Variants in SRGAP1 observed in about 807,000 individuals in gnomAD.
The protein encoded by SRGAP1 is SLIT-ROBO Rho GTPase activating protein 1, also known as SLIT-ROBO Rho GTPase-activating protein 1.
Under a neutral mutation model 121.9 loss-of-function variants are expected in SRGAP1, and 43 were observed. That is an observed-to-expected ratio of 0.35 (90% CI 0.28 to 0.46). SRGAP1 has a LOEUF of 0.46. SRGAP1 is among the 20% of genes least tolerant of loss of function. The pLI is 1.00. For synonymous variants in SRGAP1, 447 were observed against 485.4 expected, an observed-to-expected ratio of 0.92 and a Z score of 1.04; for missense variants, 1,102 against 1,350.9, an observed-to-expected ratio of 0.82 and a Z score of 2.89.
intron 2 of SRGAP1, among the ~76,000 whole-genome samples, chr12:63,989,371 G>A (rs1286922308): frequency 6.6e-6 from 1 of 152,126 alleles, no homozygotes; most frequent in African/African-American, 2.4e-5. Context: ...ATAAAGTTCT[G>A]ATTCCCAGGA....
At chr12:63,920,622 C>A (rs984204742) in intron 1 of SRGAP1, among the ~76,000 whole-genome samples, 36 of 152,102 alleles carry the variant, frequency 2.4e-4, no homozygotes, top group African/African-American at 8.7e-4. Context: ...GAGAATGAGA[C>A]CCTAGAGATG....
At chr12:64,124,630 T>C (rs910680196) in intron 18 of SRGAP1, among the ~76,000 whole-genome samples, 3 of 152,182 alleles carry the variant, frequency 2.0e-5, no homozygotes, top group African/African-American at 4.8e-5. Flanking sequence ...AGGCCTCAAA[T>C]TGAGGAGCTT....
rs1444875007 is a variant in SRGAP1, at chr12:63,863,460, T to TG, written c.67+18581dup. Among the ~76,000 whole-genome samples the TG allele has an allele frequency of 2.6e-5, 4 of 151,928 alleles. No individual in the cohort carries two copies. In the East Asian group the frequency reaches 7.8e-4, roughly 30 times the overall value. ...CCTAATTTTGTGTCTTTAGTAGAGA[T>TG]GGGGTTTCACCATGTTGGCCAGGCT... is the stretch of plus-strand genomic sequence containing the variant. On this transcript the variant is annotated intron_variant, in intron 1 of 21. Coordinates refer to ENST00000355086, the MANE Select transcript of SRGAP1 (RefSeq NM_020762.4).
At position 64,146,681 on chromosome 12, in the gene SRGAP1, G is replaced by A. The variant is rs991051284; in HGVS notation, c.*4009G>A. 2.0e-5 allele frequency: 3 copies of A among 152,090 alleles called. No individual in the cohort carries two copies. Among genetic ancestry groups the A allele is most frequent in the Non-Finnish European group, 4.4e-5 (3 of 68,040 alleles). 9.4% of individuals were successfully genotyped at this position (152,090 alleles called of 1,614,324 possible). ...CGATTATCCACCACAGAAACCCTGA[G>A]ACACAGAGCAGCTTAGAAGTCTCTA... On this transcript the variant is annotated 3_prime_UTR_variant, in exon 22 of 22. Coordinates refer to ENST00000355086, the MANE Select transcript of SRGAP1 (RefSeq NM_020762.4).
chr12:64,117,006 G>T (rs1218168402), intron 18 of SRGAP1, among the ~76,000 whole-genome samples: 3 of 152,180 alleles, frequency 2.0e-5, no homozygotes, highest in Non-Finnish European at 4.4e-5. Flanking sequence ...GGGCATTAGG[G>T]GATGTCCCAA....
chr12:64,110,402 A>T (rs1444478027), intron 16 of SRGAP1, among the ~76,000 whole-genome samples: 1 of 152,184 alleles, frequency 6.6e-6, no homozygotes, highest in African/African-American at 2.4e-5. Flanking sequence ...TGTTGCTGTT[A>T]TTGCTTCCAG....
intron 1 of SRGAP1, among the ~76,000 whole-genome samples, chr12:63,977,455 G>A (rs182281579): frequency 3.2e-4 from 49 of 152,250 alleles, no homozygotes; most frequent in Admixed American, 3.3e-4. Flanking sequence ...TGTCCTGGTC[G>A]TAGTCATTCA....
At chr12:64,107,127 C>T (rs1234162194) in intron 15 of SRGAP1, among the ~76,000 whole-genome samples, 1 of 152,140 alleles carries the variant, frequency 6.6e-6, no homozygotes, top group Non-Finnish European at 1.5e-5. Context: ...CTTGTTTTGT[C>T]AGCTCATTCT....
At chr12:64,048,406 T>C (rs1362134561) in intron 6 of SRGAP1, among the ~76,000 whole-genome samples, 1 of 152,232 alleles carries the variant, frequency 6.6e-6, no homozygotes, top group African/African-American at 2.4e-5. Context: ...TATCTATTGA[T>C]GGGCACTTCA....
In SRGAP1 at chr12:64,012,789, AACCTGCCC is replaced by A. The variant is rs536490352; in HGVS notation, c.427-4156_427-4149del. Among the ~76,000 whole-genome samples, 579 of 152,044 alleles carry A rather than the reference AACCTGCCC, an allele frequency of 3.8e-3. 2 individuals are homozygous for A. The highest frequency in any genetic ancestry group is 6.9e-3 in the Non-Finnish European group (468 of 67,958). ...TGGTCTCAAACTCCTAGGCTCAGAC[AACCTGCCC>A]ACCTCGGCCTCCCAAAGTGCTAGGA... On this transcript the variant is annotated intron_variant, in intron 3 of 21. Coordinates refer to ENST00000355086, the MANE Select transcript of SRGAP1 (RefSeq NM_020762.4).
intron 15 of SRGAP1, 28 bp downstream of exon 15, chr12:64,097,403 C>G: frequency 6.2e-7 from 1 of 1,607,046 alleles, no homozygotes; most frequent in Non-Finnish European, 8.5e-7. Flanking sequence ...TCATCTTTTC[C>G]CACAAGAATT....
intron 1 of SRGAP1, among the ~76,000 whole-genome samples, chr12:63,943,194 T>C (rs1592966754): frequency 1.3e-5 from 2 of 152,194 alleles, no homozygotes; most frequent in African/African-American, 4.8e-5. Flanking sequence ...AGTCTCTTCA[T>C]AGTAATTTTA....
chr12:63,852,140 C>T (rs1366261170), intron 1 of SRGAP1, among the ~76,000 whole-genome samples: 3 of 152,056 alleles, frequency 2.0e-5, no homozygotes, highest in Non-Finnish European at 4.4e-5. Flanking sequence ...CTATAGGCGC[C>T]TGCCATCACG....
chr12:64,026,439 AATCAGTTGTT>A (rs1180838247), intron 4 of SRGAP1, among the ~76,000 whole-genome samples: 4 of 152,224 alleles, frequency 2.6e-5, no homozygotes, highest in Non-Finnish European at 5.9e-5. Context: ...TCAAGCTCTA[AATCAGTTGTT>A]ATCAGATGAT....
chr12:64,139,790 G>C (rs1483015972), intron 21 of SRGAP1, among the ~76,000 whole-genome samples: 5 of 151,044 alleles, frequency 3.3e-5, no homozygotes, highest in African/African-American at 1.2e-4. Flanking sequence ...CATTGCTTTT[G>C]GTGTTTTAGA....
intron 1 of SRGAP1, among the ~76,000 whole-genome samples, chr12:63,922,782 C>T (rs149420835): frequency 2.2e-4 from 34 of 152,324 alleles, no homozygotes; most frequent in Non-Finnish European, 3.8e-4. Context: ...AGAAACATTG[C>T]CATTTCTTTT....
chr12:64,077,503 A>C (rs1004817684), intron 8 of SRGAP1, among the ~76,000 whole-genome samples: 1 of 149,336 alleles, frequency 6.7e-6, no homozygotes, highest in African/African-American at 2.4e-5. Flanking sequence ...ATATATTACA[A>C]AAATAGCATA....
chr12:64,035,364 C>G (rs1335521480), intron 4 of SRGAP1, among the ~76,000 whole-genome samples: 1 of 152,116 alleles, frequency 6.6e-6, no homozygotes, highest in Non-Finnish European at 1.5e-5. Flanking sequence ...TATCCACTTC[C>G]TATTTGTAGT....
rs1170936567 is a variant in SRGAP1 at position 63,844,778 on chromosome 12, A to C, written c.-39A>C. The stretch of plus-strand genomic sequence containing the variant: ...GAGAACGGGTTGTGACCACTGAACA[A>C]AACTTGCCCATTGAAAGCAAACCCG... On this transcript the variant is annotated 5_prime_UTR_variant, in exon 1 of 22. Coordinates refer to ENST00000355086, the MANE Select transcript of SRGAP1 (RefSeq NM_020762.4). The surrounding 1 kb of genome is among the most constrained non-coding windows in gnomAD (Gnocchi z 4.3). The C allele has an allele frequency of 6.2e-7, 1 of 1,609,998 alleles. No individual in the cohort carries two copies. Among genetic ancestry groups the C allele is most frequent in the African/African-American group, 1.3e-5 (1 of 74,856 alleles).
Sources: allele counts gnomAD v4.1 joint callset (sites outside exome capture counted in the v4.1 genomes callset), GRCh38; gene constraint gnomAD v4.1.1; non-coding constraint Gnocchi (gnomAD v3.1); transcripts MANE v1.5; gene names NCBI Gene and HGNC (gene_info 2026-07-23, HGNC 2026-07-21).